The following PSME4 variants were observed in gnomAD, a reference collection of about 807,000 sequenced individuals.
PSME4 encodes the protein proteasome activator subunit 4.
Under a neutral mutation model 253.9 loss-of-function variants are expected in PSME4, and 89 were observed. That is an observed-to-expected ratio of 0.35 (90% CI 0.30 to 0.42). PSME4 has a LOEUF of 0.42. Among genes scored for constraint, PSME4 ranks in the 10% least tolerant of loss-of-function variants. The pLI is 1.00. For missense variants in PSME4, 2,014 were observed against 2,195.2 expected (o/e 0.92, Z 1.65); for synonymous variants, 851 against 759.2 (o/e 1.12, Z -1.99).
At chr2:53,918,531 C>T (rs928375706) in intron 20 of PSME4, among the ~76,000 whole-genome samples, 4 of 151,954 alleles carry the variant, frequency 2.6e-5, no homozygotes, top group African/African-American at 9.7e-5. Flanking sequence ...TTTGTAGAGA[C>T]GGGTTTGCCA....
At chr2:53,922,104 G>A (rs897508841) in intron 17 of PSME4, among the ~76,000 whole-genome samples, 5 of 152,034 alleles carry the variant, frequency 3.3e-5, no homozygotes, top group African/African-American at 7.3e-5. Flanking sequence ...GCTGGGAGGC[G>A]GAGTTTGCAG....
At position 53,928,234 on chromosome 2, in the gene PSME4, T is replaced by C; in HGVS notation, c.1386A>G (p.Gly462=). The C allele has an allele frequency of 1.2e-6, 2 of 1,614,178 alleles. No homozygotes were observed. Among genetic ancestry groups the C allele is most frequent in the Non-Finnish European group, 8.5e-7 (1 of 1,179,994 alleles). Residue 462 remains glycine (G), a synonymous_variant, in exon 11 of 47, where the codon GGA becomes GGG. Coordinates refer to ENST00000404125, the MANE Select transcript of PSME4 (RefSeq NM_014614.3). ...CTCCTGATACCAAACTGCGGGCTACTCCAATTACACAACTTAAAGTAGCTG... is the reference window on the plus strand; with the variant it reads ...CTCCTGATACCAAACTGCGGGCTACCCCAATTACACAACTTAAAGTAGCTG... ...QLTATLSCVI[G]VARSLVSGGR...
chr2:53,910,605 C>T (rs892663123), intron 20 of PSME4, among the ~76,000 whole-genome samples: 15 of 152,226 alleles, frequency 9.9e-5, no homozygotes, highest in African/African-American at 3.6e-4. Flanking sequence ...GTATAAAAAT[C>T]ACTGTTTCCT....
chr2:53,954,966 G>A (rs1431479428), intron 1 of PSME4, among the ~76,000 whole-genome samples: 1 of 151,968 alleles, frequency 6.6e-6, no homozygotes, highest in Non-Finnish European at 1.5e-5. Flanking sequence ...GATCACTTGA[G>A]GACAGGAATT....
intron 1 of PSME4, among the ~76,000 whole-genome samples, chr2:53,962,095 G>A (rs1365928836): frequency 6.6e-6 from 1 of 152,198 alleles, no homozygotes; most frequent in Non-Finnish European, 1.5e-5. Context: ...GCATGCCAGG[G>A]CAAATATTTA....
rs144145686 is a variant in PSME4 at position 53,915,163 on chromosome 2, G to A, written c.2516+3988C>T. On this transcript the variant is annotated intron_variant, in intron 20 of 46. Transcript: ENST00000404125. ...AAAGTAACCTAAGCTTTGGCTGGGCGTGGTGGTTCATGCCTGCCAGTAATC... is the reference window on the plus strand; with the variant it reads ...AAAGTAACCTAAGCTTTGGCTGGGCATGGTGGTTCATGCCTGCCAGTAATC... 6.9e-4 allele frequency among the ~76,000 whole-genome samples: 105 copies of A among 152,238 alleles called. 1 individual carries two copies. The highest frequency in any genetic ancestry group is 2.4e-3 in the African/African-American group (99 of 41,538).
chr2:53,956,302 G>A (rs1364538438), intron 1 of PSME4, among the ~76,000 whole-genome samples: 1 of 152,154 alleles, frequency 6.6e-6, no homozygotes, highest in East Asian at 2.0e-4. Flanking sequence ...GCCAAAGCAG[G>A]AGGATCACCT....
At chr2:53,933,411 C>T (rs1346584684) in intron 8 of PSME4, among the ~76,000 whole-genome samples, 1 of 123,006 alleles carries the variant, frequency 8.1e-6, no homozygotes, top group African/African-American at 4.1e-5. Flanking sequence ...AAAGCGTTTC[C>T]CTCTGTTGTC....
At chr2:53,899,787 C>T in intron 29 of PSME4, 94 bp downstream of exon 29, 1 of 1,444,968 alleles carries the variant, frequency 6.9e-7, no homozygotes, top group Non-Finnish European at 9.4e-7. Context: ...CACTGTACTC[C>T]AGCCTGGGCA....
intron 20 of PSME4, among the ~76,000 whole-genome samples, chr2:53,916,085 T>G (rs1316126390): frequency 6.6e-6 from 1 of 151,282 alleles, no homozygotes; most frequent in Non-Finnish European, 1.5e-5. Flanking sequence ...CAAAAAAAAT[T>G]AAAATACAAA....
At chr2:53,900,055 T>C in intron 28 of PSME4, 38 bp from the exon 29 acceptor site, 1 of 1,582,826 alleles carries the variant, frequency 6.3e-7, no homozygotes, top group Non-Finnish European at 8.6e-7. Flanking sequence ...AAAATGAAGT[T>C]CTGATGCATA....
At chr2:53,951,950 C>T (rs1327756738) in intron 1 of PSME4, among the ~76,000 whole-genome samples, 1 of 152,144 alleles carries the variant, frequency 6.6e-6, no homozygotes, top group Non-Finnish European at 1.5e-5. Context: ...GTTGAATAAG[C>T]ATAATGATAG....
chr2:53,931,864 A>G lies in PSME4; in HGVS notation c.1287T>C (p.Pro429=), dbSNP rs753079437. 1 of 1,614,190 alleles carries G rather than the reference A, an allele frequency of 6.2e-7. No individual in the cohort carries two copies. Among genetic ancestry groups the G allele is most frequent in the Non-Finnish European group, 8.5e-7 (1 of 1,180,020 alleles). ...QALQNLALMR[P]ELVIPPVLER... is the part of the protein sequence containing the mutation. ...CAAGTACAGGGGGTATTACCAATTC[A>G]GGTCTCATGAGTGCAAGATTCTGCA... The change falls in exon 10 of 47, where the codon CCT becomes CCC. Residue 429 remains proline (P), a synonymous_variant. Coordinates refer to ENST00000404125, the MANE Select transcript of PSME4 (RefSeq NM_014614.3).
chr2:53,947,523 G>A (rs1158983566), intron 3 of PSME4, among the ~76,000 whole-genome samples: 1 of 151,906 alleles, frequency 6.6e-6, no homozygotes, highest in Non-Finnish European at 1.5e-5. Context: ...GGCTAACATG[G>A]TGAAACACCG....
chr2:53,962,750 C>T (rs986339590), intron 1 of PSME4, among the ~76,000 whole-genome samples: 4 of 152,170 alleles, frequency 2.6e-5, no homozygotes, highest in African/African-American at 9.7e-5. Flanking sequence ...CGGTGGCTCA[C>T]GCCTGTAATC....
chr2:53,961,912 C>T (rs1429881688), intron 1 of PSME4, among the ~76,000 whole-genome samples: 2 of 152,156 alleles, frequency 1.3e-5, no homozygotes, highest in Non-Finnish European at 2.9e-5. Flanking sequence ...AGAACGGGAC[C>T]TCACATTCTG....
intron 3 of PSME4, among the ~76,000 whole-genome samples, chr2:53,947,231 G>C (rs1027190981): frequency 5.9e-5 from 9 of 152,174 alleles, no homozygotes; most frequent in Non-Finnish European, 5.9e-5. Context: ...AAGGGACAAA[G>C]ACTGTTGACC....
chr2:53,944,234 T>C (rs963413234), intron 3 of PSME4, among the ~76,000 whole-genome samples: 9 of 152,122 alleles, frequency 5.9e-5, no homozygotes, highest in Non-Finnish European at 7.4e-5. Context: ...TCTTGGCTCA[T>C]TGCAGCCTCT....
At chr2:53,921,188 A>G in intron 17 of PSME4, 84 bp from the exon 18 acceptor site, 1 of 1,574,266 alleles carries the variant, frequency 6.4e-7, no homozygotes. Context: ...ATGTTTGGCC[A>G]CTAACCTAGT....
Sources: allele counts gnomAD v4.1 joint callset (sites outside exome capture counted in the v4.1 genomes callset), GRCh38; gene constraint gnomAD v4.1.1; transcripts MANE v1.5; gene names NCBI Gene and HGNC (gene_info 2026-07-23, HGNC 2026-07-21).